Variants in ASAP2 observed in about 807,000 individuals in gnomAD.
ASAP2 encodes ArfGAP with SH3 domain, ankyrin repeat and PH domain 2.
In ASAP2, 45 loss-of-function variants were observed where a neutral mutation model predicts 131.4. The ratio of observed to expected loss-of-function variants is 0.34; its 90% confidence interval spans 0.27 to 0.44. The LOEUF is 0.44. Ranked by LOEUF, ASAP2 falls within the 20% of genes least tolerant of loss-of-function variation. ASAP2 has a pLI of 1.00. For synonymous variants in ASAP2, 510 were observed against 503.0 expected, an observed-to-expected ratio of 1.01 and a Z score of -0.19; for missense variants, 1,011 against 1,297.0, an observed-to-expected ratio of 0.78 and a Z score of 3.39.
At chr2:9,356,815 C>T (rs1672738968) in intron 14 of ASAP2, among the ~76,000 whole-genome samples, 1 of 152,154 alleles carries the variant, frequency 6.6e-6, no homozygotes. Context: ...ATTTTCCTGT[C>T]TGTAAAGTGA....
At chr2:9,350,426 G>C (rs1185018987) in intron 11 of ASAP2, 1 of 168,650 alleles carries the variant, frequency 5.9e-6, no homozygotes, top group East Asian at 1.6e-4. Flanking sequence ...ATTGAGCTGG[G>C]TGCCCAAGTT....
intron 1 of ASAP2, among the ~76,000 whole-genome samples, chr2:9,244,962 G>A (rs1664234329): frequency 1.3e-5 from 2 of 152,192 alleles, no homozygotes; most frequent in African/African-American, 2.4e-5. Context: ...ACGATGGTGT[G>A]TGAGCTCAGT....
intron 15 of ASAP2, among the ~76,000 whole-genome samples, chr2:9,361,354 G>A (rs895758052): frequency 6.6e-6 from 1 of 152,238 alleles, no homozygotes; most frequent in African/African-American, 2.4e-5. Context: ...CACAGGAGGT[G>A]GACATCTCCC....
intron 9 of ASAP2, among the ~76,000 whole-genome samples, chr2:9,342,336 G>A (rs573218916): frequency 6.6e-6 from 1 of 152,352 alleles, no homozygotes; most frequent in Non-Finnish European, 1.5e-5. Flanking sequence ...ATGAAATAGA[G>A]CTGAGAGTCC....
chr2:9,306,825 C>T (rs1283549181), intron 3 of ASAP2, among the ~76,000 whole-genome samples: 2 of 152,140 alleles, frequency 1.3e-5, no homozygotes, highest in African/African-American at 4.8e-5. Flanking sequence ...CCCATATACT[C>T]CAGGTTCCAG....
At chr2:9,367,029 T>G (rs981869307) in intron 15 of ASAP2, among the ~76,000 whole-genome samples, 2 of 140,990 alleles carry the variant, frequency 1.4e-5, no homozygotes, top group African/African-American at 5.6e-5. Flanking sequence ...CCTGCATAAT[T>G]TTTTTTTTTT....
At position 9,368,515 on chromosome 2, in the gene ASAP2, G is replaced by A. The variant is rs577456546; in HGVS notation, c.1552G>A (p.Asp518Asn). Residue 518 changes from aspartate to asparagine, a missense_variant, in exon 16 of 28, where the codon GAC (aspartate) becomes AAC (asparagine). By Grantham distance (23) the Asp-to-Asn change is conservative. Around this residue, in one of 2 missense-constraint regions of ASAP2, gnomAD observed 652 missense variants for 698.9 expected, o/e 0.93. Coordinates refer to ENST00000281419, the MANE Select transcript of ASAP2 (RefSeq NM_003887.3). ...CTCAGTCAAACCCAACCCAGGCAGCGACATGTAAGTATGGGACTGGCTATT... is the reference window on the plus strand; with the variant it reads ...CTCAGTCAAACCCAACCCAGGCAGCAACATGTAAGTATGGGACTGGCTATT... ...EDSVKPNPGS[D>N]MNARKDYITA... 1.4e-5 allele frequency: 22 copies of A among 1,613,620 alleles called. No individual in the cohort carries two copies. In the African/African-American group the frequency reaches 2.3e-4, roughly 17 times the overall value.
chr2:9,336,842 G>A (rs1671238131), intron 9 of ASAP2, among the ~76,000 whole-genome samples: 1 of 152,234 alleles, frequency 6.6e-6, no homozygotes, highest in African/African-American at 2.4e-5. Flanking sequence ...GCTCCCCAGC[G>A]CACCGTTGGA....
At chr2:9,221,255 A>C (rs1375554567) in intron 1 of ASAP2, among the ~76,000 whole-genome samples, 1 of 151,894 alleles carries the variant, frequency 6.6e-6, no homozygotes, top group East Asian at 1.9e-4. Flanking sequence ...GAGTATAGAC[A>C]TCTTAACAAT....
Position 9,344,820 on chromosome 2 carries a change from C to A in ASAP2, c.1023+20C>A. On this transcript the variant is annotated intron_variant, in intron 11 of 27. Transcript: ENST00000281419. ...GGTACCGTAAGTATTCTCTTTTAAT[C>A]CATGGTGTCTGCTGTATTAGGTGAG... 6.2e-7 allele frequency: 1 copy of A among 1,602,654 alleles called. No individual in the cohort carries two copies. Among genetic ancestry groups the A allele is most frequent in the African/African-American group, 1.3e-5 (1 of 74,712 alleles).
intron 3 of ASAP2, among the ~76,000 whole-genome samples, chr2:9,298,462 A>G (rs1668284328): frequency 6.6e-6 from 1 of 152,228 alleles, no homozygotes; most frequent in African/African-American, 2.4e-5. Context: ...GGTAAAAGTA[A>G]AAAACTGTTT....
intron 7 of ASAP2, among the ~76,000 whole-genome samples, chr2:9,332,303 C>T (rs1572474395): frequency 2.6e-5 from 4 of 152,130 alleles, no homozygotes; most frequent in East Asian, 1.9e-4. Context: ...GAATAGTGTT[C>T]CTTTTCTTGA....
chr2:9,395,036 A>G (rs2148809348), intron 24 of ASAP2, among the ~76,000 whole-genome samples: 1 of 152,330 alleles, frequency 6.6e-6, no homozygotes, highest in African/African-American at 2.4e-5. Context: ...GTCCACGGAC[A>G]GGTCCCCAGA....
chr2:9,231,899 T>G (rs532445693), intron 1 of ASAP2, among the ~76,000 whole-genome samples: 1 of 152,098 alleles, frequency 6.6e-6, no homozygotes, highest in South Asian at 2.1e-4. Context: ...AGCGGACACT[T>G]TGGGAAGTGG....
intron 1 of ASAP2, among the ~76,000 whole-genome samples, chr2:9,278,259 A>G (rs1416137747): frequency 6.6e-6 from 1 of 152,058 alleles, no homozygotes; most frequent in Non-Finnish European, 1.5e-5. Flanking sequence ...AGGACTTTTT[A>G]CCCAGCATGT....
At chr2:9,363,414 C>G (rs1157974654) in intron 15 of ASAP2, among the ~76,000 whole-genome samples, 1 of 152,118 alleles carries the variant, frequency 6.6e-6, no homozygotes, top group Non-Finnish European at 1.5e-5. Flanking sequence ...AGTGTGCAAG[C>G]CTTCCCTTTT....
intron 24 of ASAP2, among the ~76,000 whole-genome samples, chr2:9,394,966 G>T (rs1194117111): frequency 3.9e-5 from 6 of 152,182 alleles, no homozygotes; most frequent in Admixed American, 3.9e-4. Context: ...GCCTCAGCTG[G>T]GCTGTGACCA....
chr2:9,279,871 C>G (rs554273916), intron 2 of ASAP2, among the ~76,000 whole-genome samples: 11 of 94,090 alleles, frequency 1.2e-4, no homozygotes, highest in Non-Finnish European at 4.7e-5. Context: ...ATATTTTTTA[C>G]ACATATATAT....
At chr2:9,377,957 G>A (rs1005732033) in intron 18 of ASAP2, among the ~76,000 whole-genome samples, 2 of 152,130 alleles carry the variant, frequency 1.3e-5, no homozygotes, top group Non-Finnish European at 2.9e-5. Flanking sequence ...TAAACATTTG[G>A]TTGATAGCTG....
Sources: gnomAD v4.1 joint callset for allele counts (sites outside exome capture counted in the v4.1 genomes callset) on GRCh38, gnomAD v4.1.1 for gene constraint, gnomAD v4.1.1 regional missense constraint, MANE v1.5 for transcripts, NCBI Gene and HGNC (gene_info 2026-07-23, HGNC 2026-07-21) for gene names.